PLXNA4: variants seen among roughly 807,000 people sequenced by gnomAD.
PLXNA4 encodes the protein plexin A4.
Under a neutral mutation model 191.8 loss-of-function variants are expected in PLXNA4, and 44 were observed. The ratio of observed to expected loss-of-function variants is 0.23; its 90% confidence interval spans 0.18 to 0.29. PLXNA4 has a LOEUF of 0.29. Ranked by LOEUF, PLXNA4 falls within the 10% of genes least tolerant of loss-of-function variation. PLXNA4 has a pLI of 1.00. For synonymous variants in PLXNA4, 1,082 were observed against 1,009.5 expected (o/e 1.07, Z -1.36); for missense variants, 1,800 against 2,488.8 (o/e 0.72, Z 5.89).
At chr7:132,310,639 C>T (rs1051038919) in intron 3 of PLXNA4, among the ~76,000 whole-genome samples, 3 of 152,156 alleles carry the variant, frequency 2.0e-5, no homozygotes, top group Non-Finnish European at 4.4e-5. Flanking sequence ...TGCAGGAAGC[C>T]CCGTGGGTCT....
intron 21 of PLXNA4, among the ~76,000 whole-genome samples, chr7:132,169,300 T>C (rs972478697): frequency 6.6e-6 from 1 of 152,224 alleles, no homozygotes; most frequent in Non-Finnish European, 1.5e-5. Context: ...TGTCTGTTCA[T>C]TGGGAGATCT....
chr7:132,489,277 G>T lies in PLXNA4; in HGVS notation c.1371+15C>A, dbSNP rs768870878. 5.1e-6 allele frequency: 8 copies of T among 1,573,000 alleles called. No individual in the cohort carries two copies. Among genetic ancestry groups the T allele is most frequent in the Non-Finnish European group, 5.2e-6 (6 of 1,147,250 alleles). ...TGTCTTCACAGTAACCAAAAGTACT[G>T]CACCTCATTCCTACCTTCTTCAGCT... is the stretch of plus-strand genomic sequence containing the variant. On this transcript the variant is annotated intron_variant, in intron 3 of 31. Coordinates refer to ENST00000321063, the MANE Select transcript of PLXNA4 (RefSeq NM_020911.2).
chr7:132,510,982 G>A (rs1798690707), intron 1 of PLXNA4, among the ~76,000 whole-genome samples: 1 of 152,092 alleles, frequency 6.6e-6, no homozygotes, highest in South Asian at 2.1e-4. Context: ...AAGAGCAAAG[G>A]CCCCCAGAGA....
chr7:132,368,348 A>G (rs2116885619), intron 3 of PLXNA4, among the ~76,000 whole-genome samples: 1 of 152,266 alleles, frequency 6.6e-6, no homozygotes, highest in East Asian at 1.9e-4. Flanking sequence ...ACATGGGGGA[A>G]GAGAGCTGGA....
At chr7:132,218,673 G>A (rs1477009837) in intron 9 of PLXNA4, among the ~76,000 whole-genome samples, 4 of 152,156 alleles carry the variant, frequency 2.6e-5, no homozygotes, top group African/African-American at 9.7e-5. Context: ...AAACCACCTG[G>A]GGACCAGTGG....
chr7:132,342,679 G>T (rs1803076765), intron 3 of PLXNA4, among the ~76,000 whole-genome samples: 1 of 152,036 alleles, frequency 6.6e-6, no homozygotes. Context: ...AGGCATGGTG[G>T]CTCACGCCTA....
intron 1 of PLXNA4, among the ~76,000 whole-genome samples, chr7:132,512,428 G>A (rs1184605010): frequency 6.6e-6 from 1 of 152,156 alleles, no homozygotes; most frequent in Non-Finnish European, 1.5e-5. Context: ...ACACAGTTAT[G>A]CATCTCAAAC....
intron 3 of PLXNA4, among the ~76,000 whole-genome samples, chr7:132,367,046 C>T (rs1160143957): frequency 6.6e-6 from 1 of 152,202 alleles, no homozygotes; most frequent in Non-Finnish European, 1.5e-5. Flanking sequence ...GCTTGGATTA[C>T]AGGCATGAGC....
chr7:132,176,360 G>A (rs896343928), intron 20 of PLXNA4, among the ~76,000 whole-genome samples: 16 of 152,244 alleles, frequency 1.1e-4, no homozygotes, highest in African/African-American at 3.4e-4. Context: ...ATGTGTGTGT[G>A]CATGTGTTTT....
chr7:132,542,538 G>A (rs1289660345), intron 1 of PLXNA4, among the ~76,000 whole-genome samples: 1 of 152,084 alleles, frequency 6.6e-6, no homozygotes, highest in African/African-American at 2.4e-5. Context: ...TCTCTGTATT[G>A]ATATTTTCTC....
intron 22 of PLXNA4, among the ~76,000 whole-genome samples, chr7:132,167,795 T>C (rs955899582): frequency 1.3e-5 from 2 of 152,236 alleles, no homozygotes; most frequent in African/African-American, 4.8e-5. Context: ...GAGATCCTCC[T>C]GCCTTGGTCT....
chr7:132,448,110 G>A (rs974790786), intron 3 of PLXNA4, among the ~76,000 whole-genome samples: 1 of 152,186 alleles, frequency 6.6e-6, no homozygotes, highest in African/African-American at 2.4e-5. Context: ...GGACTACTAG[G>A]TTCCAAACAG....
intron 1 of PLXNA4, among the ~76,000 whole-genome samples, chr7:132,527,753 T>C (rs984528879): frequency 6.6e-6 from 1 of 152,096 alleles, no homozygotes; most frequent in Non-Finnish European, 1.5e-5. Flanking sequence ...CTATTCCCCA[T>C]GCCACCTGCC....
At chr7:132,152,185 C>T (rs1227705051) in intron 25 of PLXNA4, among the ~76,000 whole-genome samples, 2 of 152,312 alleles carry the variant, frequency 1.3e-5, no homozygotes, top group African/African-American at 2.4e-5. Context: ...CCAGGAAAAG[C>T]CAAGGTCAAA....
At chr7:132,441,006 G>T (rs1795679180) in intron 3 of PLXNA4, among the ~76,000 whole-genome samples, 1 of 152,220 alleles carries the variant, frequency 6.6e-6, no homozygotes, top group Admixed American at 6.5e-5. Flanking sequence ...TCCATGCAAA[G>T]TAAGTATTAT....
chr7:132,611,672 A>G (rs1221841118), intron 2 of PLXNA4, among the ~76,000 whole-genome samples: 1 of 152,148 alleles, frequency 6.6e-6, no homozygotes, highest in Non-Finnish European at 1.5e-5. Flanking sequence ...GAATTTGAAA[A>G]CTGTATCTAA....
chr7:132,512,034 GCT>G (rs1406015224), intron 1 of PLXNA4, among the ~76,000 whole-genome samples: 3 of 152,220 alleles, frequency 2.0e-5, no homozygotes, highest in Non-Finnish European at 4.4e-5. Context: ...TCCAGCAGCT[GCT>G]TCCAGCCTTT....
chr7:132,327,680 C>A (rs192414909), intron 3 of PLXNA4, among the ~76,000 whole-genome samples: 133 of 152,350 alleles, frequency 8.7e-4, no homozygotes, highest in African/African-American at 3.1e-3. Flanking sequence ...AAGGTCACAT[C>A]TGGATCCCGC....
At chr7:132,286,354 C>T (rs1349983864) in intron 4 of PLXNA4, among the ~76,000 whole-genome samples, 1 of 152,170 alleles carries the variant, frequency 6.6e-6, no homozygotes, top group Non-Finnish European at 1.5e-5. Flanking sequence ...TCATGTGCTG[C>T]TAAGTGGATG....
Sources: gnomAD v4.1 joint callset for allele counts (sites outside exome capture counted in the v4.1 genomes callset) on GRCh38, gnomAD v4.1.1 for gene constraint, MANE v1.5 for transcripts, NCBI Gene and HGNC (gene_info 2026-07-23, HGNC 2026-07-21) for gene names.